The following DPP10 variants were observed in gnomAD, a reference collection of about 807,000 sequenced individuals.
DPP10 encodes inactive dipeptidyl peptidase 10.
DPP10 carries 33 observed loss-of-function variants against 120.9 expected under a neutral mutation model. That is an observed-to-expected ratio of 0.27 (90% CI 0.21 to 0.37). DPP10 has a LOEUF of 0.37. Among genes scored for constraint, DPP10 ranks in the 10% least tolerant of loss-of-function variants. The pLI is 1.00. For synonymous variants in DPP10, 337 were observed against 326.1 expected (o/e 1.03, Z -0.36); for missense variants, 816 against 942.8 (o/e 0.87, Z 1.76).
At chr2:114,971,175 T>A (rs1271507534) in intron 1 of DPP10, among the ~76,000 whole-genome samples, 1 of 152,280 alleles carries the variant, frequency 6.6e-6, no homozygotes, top group East Asian at 1.9e-4. Flanking sequence ...TCTTGCAAAA[T>A]TGACAAGCAA....
At chr2:115,150,161 C>T (rs1026215393) in intron 1 of DPP10, among the ~76,000 whole-genome samples, 6 of 152,296 alleles carry the variant, frequency 3.9e-5, no homozygotes, top group East Asian at 3.9e-4. Flanking sequence ...AGCTGTCCAA[C>T]GGAGGATTCC....
intron 8 of DPP10, among the ~76,000 whole-genome samples, chr2:115,730,760 G>A (rs1035030037): frequency 3.3e-5 from 5 of 152,140 alleles, no homozygotes; most frequent in East Asian, 1.9e-4. Context: ...CAGAACAAAC[G>A]GGTAATACAA....
chr2:115,698,793 G>C (rs1019534548), intron 7 of DPP10, among the ~76,000 whole-genome samples: 1 of 151,890 alleles, frequency 6.6e-6, no homozygotes, highest in South Asian at 2.1e-4. Flanking sequence ...TTGGTATTTT[G>C]TTATGGAAGG....
chr2:115,341,697 T>C (rs1031432706), intron 2 of DPP10, among the ~76,000 whole-genome samples: 1 of 152,222 alleles, frequency 6.6e-6, no homozygotes, highest in South Asian at 2.1e-4. Flanking sequence ...TGAGATTATA[T>C]ACTATGTAGC....
chr2:115,462,573 G>A (rs1034853160), intron 3 of DPP10, among the ~76,000 whole-genome samples: 6 of 152,006 alleles, frequency 3.9e-5, no homozygotes, highest in Admixed American at 3.3e-4. Flanking sequence ...TATAGAACCC[G>A]ACCATATTTA....
At chr2:114,649,589 T>G (rs1696419592) in intron 1 of DPP10, among the ~76,000 whole-genome samples, 1 of 152,066 alleles carries the variant, frequency 6.6e-6, no homozygotes, top group Non-Finnish European at 1.5e-5. Flanking sequence ...CCTGACCTCA[T>G]GATCGGCCCG....
At chr2:115,426,390 G>A (rs1201575814) in intron 3 of DPP10, among the ~76,000 whole-genome samples, 6 of 101,694 alleles carry the variant, frequency 5.9e-5, no homozygotes, top group South Asian at 4.1e-4. Context: ...GTGCCACTCC[G>A]ACGCTGGAGA....
chr2:114,614,024 G>T (rs1258801473), intron 1 of DPP10, among the ~76,000 whole-genome samples: 1 of 151,996 alleles, frequency 6.6e-6, no homozygotes, highest in Admixed American at 6.6e-5. Context: ...TGCATGTGGG[G>T]CTTAAAATCT....
chr2:115,172,725 GA>G (rs2053439943), intron 1 of DPP10, among the ~76,000 whole-genome samples: 1 of 152,180 alleles, frequency 6.6e-6, no homozygotes, highest in Non-Finnish European at 1.5e-5. Context: ...AAGAGGTGCT[GA>G]AAAATGGTGG....
chr2:115,213,408 A>G (rs947184385), intron 1 of DPP10, among the ~76,000 whole-genome samples: 18 of 152,174 alleles, frequency 1.2e-4, no homozygotes, highest in African/African-American at 3.6e-4. Context: ...CATGGTGATT[A>G]ATACTCATCC....
chr2:114,719,780 A>G (rs1701587705), intron 1 of DPP10, among the ~76,000 whole-genome samples: 1 of 152,178 alleles, frequency 6.6e-6, no homozygotes, highest in Admixed American at 6.5e-5. Context: ...TGGGGTATAA[A>G]TGGCTATATA....
intron 1 of DPP10, among the ~76,000 whole-genome samples, chr2:114,990,357 G>T (rs1437395891): frequency 6.6e-6 from 1 of 151,980 alleles, no homozygotes; most frequent in Non-Finnish European, 1.5e-5. Context: ...TGTGAAAAAA[G>T]TCACTTAAAT....
intron 1 of DPP10, among the ~76,000 whole-genome samples, chr2:114,981,568 C>G (rs1303275538): frequency 6.6e-6 from 1 of 151,652 alleles, no homozygotes; most frequent in East Asian, 1.9e-4. Flanking sequence ...TAAGTGAGAC[C>G]CCTTTCTCTT....
intron 1 of DPP10, among the ~76,000 whole-genome samples, chr2:114,932,189 G>GT (rs1696123480): frequency 6.6e-6 from 1 of 152,216 alleles, no homozygotes; most frequent in African/African-American, 2.4e-5. Flanking sequence ...CAGGCAATTT[G>GT]TTTTATCAAG....
At chr2:114,645,821 A>T (rs1696077067) in intron 1 of DPP10, among the ~76,000 whole-genome samples, 1 of 152,150 alleles carries the variant, frequency 6.6e-6, no homozygotes, top group South Asian at 2.1e-4. Flanking sequence ...AACAAATCAA[A>T]TTATCTTCTT....
At chr2:115,707,603 C>T (rs1022842743) in intron 7 of DPP10, among the ~76,000 whole-genome samples, 1 of 151,616 alleles carries the variant, frequency 6.6e-6, no homozygotes, top group Admixed American at 6.6e-5. Flanking sequence ...AAATTCATTG[C>T]AACACTATTT....
At chr2:115,635,589 TGCAG>T (rs1468908451) in intron 5 of DPP10, among the ~76,000 whole-genome samples, 2 of 152,192 alleles carry the variant, frequency 1.3e-5, no homozygotes, top group Non-Finnish European at 2.9e-5. Flanking sequence ...TCTTCAAGTT[TGCAG>T]GCAACTGAAA....
intron 1 of DPP10, among the ~76,000 whole-genome samples, chr2:115,143,800 C>T (rs1275329500): frequency 6.6e-6 from 1 of 152,168 alleles, no homozygotes; most frequent in Non-Finnish European, 1.5e-5. Context: ...CAATGATCCC[C>T]AGGACATTTC....
intron 1 of DPP10, among the ~76,000 whole-genome samples, chr2:114,708,623 C>T (rs1181137474): frequency 6.6e-6 from 1 of 152,060 alleles, no homozygotes; most frequent in Non-Finnish European, 1.5e-5. Context: ...CTCAGGTGTA[C>T]ATCACTGTGG....
Sources: allele counts gnomAD v4.1 joint callset (sites outside exome capture counted in the v4.1 genomes callset), GRCh38; gene constraint gnomAD v4.1.1; transcripts MANE v1.5; gene names NCBI Gene and HGNC (gene_info 2026-07-23, HGNC 2026-07-21).